MAP4: variants seen among roughly 807,000 people sequenced by gnomAD.
MAP4 encodes the protein microtubule associated protein 4.
Under a neutral mutation model 170.2 loss-of-function variants are expected in MAP4, and 76 were observed. The observed-to-expected ratio is 0.45, with a 90% CI of 0.37 to 0.54. The LOEUF is 0.54. Among genes scored for constraint, MAP4 ranks in the 20% least tolerant of loss-of-function variants. The pLI is 0.00. For missense variants in MAP4, 2,506 were observed against 2,748.0 expected (o/e 0.91, Z 1.97); for synonymous variants, 909 against 994.5 (o/e 0.91, Z 1.62).
chr3:47,864,380 A>C (rs1375534275), intron 17 of MAP4, among the ~76,000 whole-genome samples: 1 of 152,160 alleles, frequency 6.6e-6, no homozygotes, highest in African/African-American at 2.4e-5. Context: ...GTCTCTACTA[A>C]AAGTACAAAA....
chr3:47,998,145 A>C (rs192637950), intron 2 of MAP4, among the ~76,000 whole-genome samples: 29 of 152,326 alleles, frequency 1.9e-4, no homozygotes, highest in Middle Eastern at 3.4e-3. Context: ...CTACAGACCA[A>C]TTCCCTCATG....
At position 48,062,400 on chromosome 3, in the gene MAP4, C is replaced by T. The variant is rs1440930293; in HGVS notation, c.-20+26373G>A. On this transcript the variant is annotated intron_variant, in intron 1 of 18. Transcript: ENST00000360240. ...TCCTCTGCCTAGGAAAACCAGAGACCTTTGTTCACTTGTTTATCTGCTGAC... is the reference window on the plus strand; with the variant it reads ...TCCTCTGCCTAGGAAAACCAGAGACTTTTGTTCACTTGTTTATCTGCTGAC... Among the ~76,000 whole-genome samples, 8 of 148,248 alleles carry T rather than the reference C, an allele frequency of 5.4e-5. No homozygotes were observed. The East Asian group carries it at 1.6e-3, about 30-fold the overall frequency.
chr3:47,953,829 C>T (rs1295237844), intron 3 of MAP4, among the ~76,000 whole-genome samples: 2 of 152,042 alleles, frequency 1.3e-5, no homozygotes, highest in African/African-American at 4.8e-5. Flanking sequence ...GCCTGGCCAA[C>T]ATGGTGAAAC....
At chr3:47,998,557 T>G in intron 2 of MAP4, 81 bp downstream of exon 2, 1 of 1,122,286 alleles carries the variant, frequency 8.9e-7, no homozygotes, top group Non-Finnish European at 1.3e-6. Context: ...AGCTCAATTC[T>G]CAGTTTCCAA....
chr3:47,914,840 G>C lies in MAP4; in HGVS notation c.1976C>G (p.Ser659Cys). The C allele has an allele frequency of 6.2e-7, 1 of 1,614,154 alleles. No individual in the cohort carries two copies. Among genetic ancestry groups the C allele is most frequent in the East Asian group, 2.2e-5 (1 of 44,874 alleles). The stretch of plus-strand genomic sequence containing the variant: ...ACCTGAGGTCTCTGAAGAAAGCTCA[G>C]AAGGTTGACTGTTGCATGGTTTCCT... ...GERKPCNSQPSELSSETSANF... is the reference protein window; with the variant it reads ...GERKPCNSQPCELSSETSANF... The change falls in exon 8 of 21, where the codon TCT (serine) becomes TGT (cysteine). Residue 659 changes from serine to cysteine, a missense_variant. Transcript: ENST00000683076.
intron 1 of MAP4, chr3:48,039,622 A>C (rs891086010): frequency 2.6e-5 from 4 of 152,254 alleles, no homozygotes; most frequent in African/African-American, 9.6e-5. Context: ...ATGAAGTTCT[A>C]TTCCCAGAAT....
rs1411134994 is a variant in MAP4, at chr3:47,911,251, C to G, written c.3170G>C (p.Gly1057Ala). ...CCTTCCCTTCCTGCTTTTGCCATCACCTGCCATTCTCTTAAATGGTTCATT... is the reference window on the plus strand; with the variant it reads ...CCTTCCCTTCCTGCTTTTGCCATCAGCTGCCATTCTCTTAAATGGTTCATT... The part of the protein sequence containing the change: ...VENEPFKRMA[G>A]DGKSRKGRGS... The change falls in exon 9 of 21, where the codon GGT becomes GCT. Residue 1057 changes from glycine to alanine, a missense_variant. Transcript: ENST00000683076. This position sits in a 1 kb window ranked among gnomAD's most constrained non-coding sequence, Gnocchi z 4.0. 4.6e-6 allele frequency: 7 copies of G among 1,536,024 alleles called. No homozygotes were observed. In the African/African-American group the frequency reaches 9.6e-5, roughly 21 times the overall value.
intron 18 of MAP4, among the ~76,000 whole-genome samples, chr3:47,856,237 C>G (rs1165075723): frequency 6.6e-6 from 1 of 152,212 alleles, no homozygotes; most frequent in Admixed American, 6.5e-5. Flanking sequence ...CGCACAGCTT[C>G]TGGCCGAGGT....
chr3:48,061,941 C>T (rs1317478624), intron 1 of MAP4, among the ~76,000 whole-genome samples: 5 of 151,992 alleles, frequency 3.3e-5, no homozygotes, highest in African/African-American at 1.2e-4. Flanking sequence ...TCTGCCCAGC[C>T]GCCCCTTCTG....
At chr3:47,889,728 C>CA (rs2098245625) in intron 10 of MAP4, among the ~76,000 whole-genome samples, 3 of 152,018 alleles carry the variant, frequency 2.0e-5, no homozygotes, top group Non-Finnish European at 4.4e-5. Flanking sequence ...AACAAAGCAC[C>CA]TGGGGATCAA....
At position 48,030,494 on chromosome 3, in the gene MAP4, AAAAAC is replaced by A. The variant is rs1385415427; in HGVS notation, c.-19-31620_-19-31616del. Among the ~76,000 whole-genome samples, 147 of 151,996 alleles carry A rather than the reference AAAAAC, an allele frequency of 9.7e-4. 1 individual carries two copies. The highest frequency in any genetic ancestry group is 3.1e-3 in the African/African-American group (128 of 41,434). ...GTGCTAAAAATAAAAATAAAAAAAA[AAAAAC>A]AACGATAGGGGTAAGTTGGCCGGAC... On this transcript the variant is annotated intron_variant, in intron 1 of 18. Transcript: ENST00000360240.
intron 1 of MAP4, among the ~76,000 whole-genome samples, chr3:48,024,675 T>G (rs2100112177): frequency 1.3e-5 from 2 of 152,222 alleles, no homozygotes; most frequent in Admixed American, 1.3e-4. Flanking sequence ...AAACCATTAT[T>G]GTGTTAAGTC....
chr3:47,914,486 G>T (rs1577496302), intron 8 of MAP4, among the ~76,000 whole-genome samples: 1 of 150,142 alleles, frequency 6.7e-6, no homozygotes, highest in Non-Finnish European at 1.5e-5. Flanking sequence ...GTAGGTGGAG[G>T]ATGCAGTGAG....
intron 3 of MAP4, among the ~76,000 whole-genome samples, chr3:47,977,377 T>A (rs1055274798): frequency 6.6e-6 from 1 of 152,190 alleles, no homozygotes; most frequent in African/African-American, 2.4e-5. Flanking sequence ...GCTAAGAGTT[T>A]AATTAGAAGT....
chr3:48,005,100 G>A (rs529834061), intron 1 of MAP4, among the ~76,000 whole-genome samples: 5 of 152,244 alleles, frequency 3.3e-5, no homozygotes, highest in South Asian at 2.1e-4. Flanking sequence ...GGTGGCTCAC[G>A]CCTGTAATCC....
intron 1 of MAP4, among the ~76,000 whole-genome samples, chr3:47,999,934 G>C (rs1487714023): frequency 6.6e-6 from 1 of 151,504 alleles, no homozygotes; most frequent in African/African-American, 2.4e-5. Flanking sequence ...AGCCAAAGGG[G>C]CCAGGTGCAG....
intron 3 of MAP4, among the ~76,000 whole-genome samples, chr3:47,931,016 C>G (rs766235272): frequency 1.1e-4 from 16 of 151,806 alleles, no homozygotes; most frequent in Non-Finnish European, 1.9e-4. Context: ...ATGAATGAAG[C>G]TCATCAGTCC....
At chr3:47,879,612 A>G (rs1033969609) in intron 10 of MAP4, among the ~76,000 whole-genome samples, 1 of 152,066 alleles carries the variant, frequency 6.6e-6, no homozygotes, top group Non-Finnish European at 1.5e-5. Flanking sequence ...ACATGCACTC[A>G]TTTGTGTGTG....
chr3:47,998,918 T>G (rs761609133), intron 1 of MAP4, 39 bp from the exon 2 acceptor site: 21 of 1,118,566 alleles, frequency 1.9e-5, no homozygotes, highest in Non-Finnish European at 2.3e-5. Flanking sequence ...TAACGAGCAC[T>G]GCAAAAGGAA....
Sources: allele counts gnomAD v4.1 joint callset (sites outside exome capture counted in the v4.1 genomes callset), GRCh38; gene constraint gnomAD v4.1.1; non-coding constraint Gnocchi (gnomAD v3.1); transcripts MANE v1.5; gene names NCBI Gene and HGNC (gene_info 2026-07-23, HGNC 2026-07-21).